SACS: variants seen among roughly 807,000 people sequenced by gnomAD.
SACS encodes the protein sacsin.
In SACS, 197 loss-of-function variants were observed where a neutral mutation model predicts 348.0. The ratio of observed to expected loss-of-function variants is 0.57; its 90% CI spans 0.50 to 0.64. The LOEUF is 0.64. Among genes scored for constraint, SACS ranks in the 30% least tolerant of loss-of-function variants. The pLI is 0.00. For synonymous variants in SACS, 1,985 were observed against 1,910.6 expected, an observed-to-expected ratio of 1.04 and a Z score of -1.02; for missense variants, 4,999 against 5,360.8, an observed-to-expected ratio of 0.93 and a Z score of 2.11.
intron 9 of SACS, among the ~76,000 whole-genome samples, chr13:23,349,068 G>A (rs1294055300): frequency 6.6e-6 from 1 of 152,236 alleles, no homozygotes; most frequent in Non-Finnish European, 1.5e-5. Context: ...CATGCTAGCA[G>A]GGCTAGATTT....
chr13:23,368,706 TTTTG>T (rs1350718683), intron 4 of SACS, among the ~76,000 whole-genome samples: 1 of 152,186 alleles, frequency 6.6e-6, no homozygotes, highest in African/African-American at 2.4e-5. Flanking sequence ...TTTTGTTTTG[TTTTG>T]TTTTTTGAGA....
At chr13:23,344,971 T>A (rs1185899392) in intron 9 of SACS, among the ~76,000 whole-genome samples, 1 of 152,174 alleles carries the variant, frequency 6.6e-6, no homozygotes, top group Non-Finnish European at 1.5e-5. Flanking sequence ...ATGGAAATAT[T>A]ATATATAGTC....
At chr13:23,420,717 CT>C (rs1455735577) in intron 1 of SACS, among the ~76,000 whole-genome samples, 3 of 151,964 alleles carry the variant, frequency 2.0e-5, no homozygotes, top group African/African-American at 7.3e-5. Flanking sequence ...TGCCTGAGGA[CT>C]TCCTGGGCCT....
intron 1 of SACS, among the ~76,000 whole-genome samples, chr13:23,422,000 C>G (rs1207031454): frequency 1.3e-5 from 2 of 152,092 alleles, no homozygotes; most frequent in African/African-American, 4.8e-5. Context: ...CACCTGGGGC[C>G]TAGTATTTAC....
At chr13:23,359,011 C>A (rs1314828045) in intron 6 of SACS, among the ~76,000 whole-genome samples, 3 of 151,994 alleles carry the variant, frequency 2.0e-5, no homozygotes, top group African/African-American at 7.3e-5. Flanking sequence ...AAAACCCCAT[C>A]TCTACTAAAA....
At position 23,340,372 on chromosome 13, in the gene SACS, T is replaced by G. The variant is rs201762114; in HGVS notation, c.3504A>C (p.Pro1168=). ...PACKERPPNY[P]GSLVWKGDLC... ...GATCTCCTTTCCAGACCAAAGAGCC[T>G]GGATAATTTGGAGGCCTTTCCTTGC... The change falls in exon 10 of 10, where the codon CCA becomes CCC. Residue 1168 remains proline, a synonymous_variant. Coordinates refer to ENST00000382292, the MANE Select transcript of SACS (RefSeq NM_014363.6). 1 of 1,614,082 alleles carries G rather than the reference T, an allele frequency of 6.2e-7. No individual in the cohort carries two copies. Among genetic ancestry groups the G allele is most frequent in the African/African-American group, 1.3e-5 (1 of 75,036 alleles).
At chr13:23,379,895 A>G (rs546087361) in intron 2 of SACS, among the ~76,000 whole-genome samples, 88 of 152,304 alleles carry the variant, frequency 5.8e-4, no homozygotes, top group African/African-American at 2.0e-3. Context: ...TGCCCCAGGC[A>G]GGACAGACAC....
intron 9 of SACS, chr13:23,346,914 G>A (rs1027836230): frequency 2.1e-6 from 1 of 486,954 alleles, no homozygotes; most frequent in African/African-American, 2.1e-5. Context: ...AAATTATTCT[G>A]TATCTTAAGA....
chr13:23,393,074 G>A (rs1034672260), intron 2 of SACS, among the ~76,000 whole-genome samples: 15 of 152,146 alleles, frequency 9.9e-5, no homozygotes, highest in Middle Eastern at 3.2e-3. Context: ...GGGCAGTAAC[G>A]TCTTTCAGAG....
chr13:23,394,628 T>C (rs7350660), intron 2 of SACS, among the ~76,000 whole-genome samples: 32,968 of 152,114 alleles, frequency 0.22, 3,910 homozygotes, highest in African/African-American at 0.31. Context: ...CTGAGGCAAG[T>C]GGATCACCTG....
chr13:23,358,272 T>C, intron 7 of SACS, 63 bp downstream of exon 7: 2 of 1,556,038 alleles, frequency 1.3e-6, no homozygotes, highest in South Asian at 1.1e-5. Flanking sequence ...GTTAACCAAA[T>C]ACATTACAGA....
intron 9 of SACS, among the ~76,000 whole-genome samples, chr13:23,345,044 A>C (rs191090431): frequency 2.0e-5 from 3 of 152,354 alleles, no homozygotes; most frequent in Non-Finnish European, 4.4e-5. Flanking sequence ...CTGAGAGTTT[A>C]CTACATTCAA....
intron 5 of SACS, among the ~76,000 whole-genome samples, chr13:23,365,683 T>A (rs1871022314): frequency 6.6e-6 from 1 of 152,224 alleles, no homozygotes. Context: ...AGACCTTTTT[T>A]ATCCTTTGCT....
intron 2 of SACS, among the ~76,000 whole-genome samples, chr13:23,392,216 C>T (rs550770819): frequency 1.3e-5 from 2 of 152,196 alleles, no homozygotes; most frequent in Non-Finnish European, 2.9e-5. Context: ...CCTCTCTTTC[C>T]ATCTTGCATT....
At position 23,337,313 on chromosome 13, in the gene SACS, A is replaced by G; in HGVS notation, c.6563T>C (p.Leu2188Ser). Reference sequence around the variant, plus strand: ...TAGTTTCTCATCGATAAGACTCAATAAGATACTACTTCTTAGGCATGCAGC... The same window carrying G: ...TAGTTTCTCATCGATAAGACTCAATGAGATACTACTTCTTAGGCATGCAGC... ...HVAACLRSSI[L>S]LSLIDEKLKI... Residue 2188 changes from leucine (L) to serine (S), a missense_variant, in exon 10 of 10, where the codon TTA becomes TCA. This residue lies in a region of SACS where 3,156 missense variants were observed against 3,380.1 expected (regional missense o/e 0.93). Coordinates refer to ENST00000382292, the MANE Select transcript of SACS (RefSeq NM_014363.6). 6.2e-7 allele frequency: 1 copy of G among 1,613,918 alleles called. No individual in the cohort carries two copies. The highest frequency in any genetic ancestry group is 8.5e-7 in the Non-Finnish European group (1 of 1,179,864).
In SACS at chr13:23,406,445, G is replaced by A. The variant is rs9580613; in HGVS notation, c.20+4775C>T. ...CCTAATGTAGATGACAGATTGATGG[G>A]TGCAGCAAACCACCATGGTACATGT... On this transcript the variant is annotated intron_variant, in intron 2 of 9. Coordinates refer to ENST00000382292, the MANE Select transcript of SACS (RefSeq NM_014363.6). Among the ~76,000 whole-genome samples the A allele has an allele frequency of 9.6e-3, 1,467 of 152,152 alleles. 22 individuals are homozygous for A. The highest frequency in any genetic ancestry group is 0.033 in the African/African-American group (1,389 of 41,490).
chr13:23,420,264 G>A (rs909789383), intron 1 of SACS, among the ~76,000 whole-genome samples: 1 of 152,124 alleles, frequency 6.6e-6, no homozygotes, highest in Non-Finnish European at 1.5e-5. Flanking sequence ...GATTATCTAT[G>A]TGGGGACTGG....
In SACS at chr13:23,338,810, C is replaced by G. The variant is rs1221257323; in HGVS notation, c.5066G>C (p.Ser1689Thr). ...GTACTTCAAATACATTGACTTTACA[C>G]TCTGAGTGAAAATGATAAGCCTGTG... ...CGHRLIIFTQ[S>T]VKSMYLKYLK... Residue 1689 changes from serine to threonine, a missense_variant, in exon 10 of 10, where the codon AGT (serine) becomes ACT (threonine). Ser to Thr is a moderately conservative substitution (Grantham distance 58). Around this residue, in one of 6 missense-constraint regions of SACS, gnomAD observed 3,156 missense variants for 3,380.1 expected, o/e 0.93. Transcript: ENST00000382292. The G allele has an allele frequency of 2.5e-6, 4 of 1,612,868 alleles. No homozygotes were observed. The African/African-American group carries it at 5.3e-5, about 22-fold the overall frequency.
intron 1 of SACS, among the ~76,000 whole-genome samples, chr13:23,416,894 AAAAAC>A (rs1381829241): frequency 2.6e-5 from 4 of 152,182 alleles, no homozygotes; most frequent in African/African-American, 9.7e-5. Context: ...ACAAGACAGA[AAAAAC>A]AAAGAGGAAC....
Sources: allele counts gnomAD v4.1 joint callset (sites outside exome capture counted in the v4.1 genomes callset), GRCh38; gene constraint gnomAD v4.1.1; regional missense constraint gnomAD v4.1.1; transcripts MANE v1.5; gene names NCBI Gene and HGNC (gene_info 2026-07-23, HGNC 2026-07-21).